SMC6: variants seen among roughly 807,000 people sequenced by gnomAD.
SMC6 encodes the protein structural maintenance of chromosomes protein 6.
A neutral mutation model predicts 142.2 loss-of-function variants in SMC6; 79 were observed. The observed-to-expected ratio is 0.56, with a 90% CI of 0.46 to 0.67. The LOEUF (loss-of-function observed/expected upper bound fraction) is 0.67. Among genes scored for constraint, SMC6 ranks in the 30% least tolerant of loss-of-function variants. The pLI is 0.00. For missense variants in SMC6, 1,072 were observed against 1,284.0 expected (o/e 0.83, Z 2.52); for synonymous variants, 411 against 412.4 (o/e 1.00, Z 0.04).
intron 23 of SMC6, among the ~76,000 whole-genome samples, chr2:17,693,859 C>T (rs186972290): frequency 1.3e-5 from 2 of 151,286 alleles, no homozygotes; most frequent in East Asian, 1.9e-4. Context: ...AGATGGGCGT[C>T]GTGGCATGTG....
At chr2:17,674,198 T>C (rs1402643848) in intron 25 of SMC6, among the ~76,000 whole-genome samples, 2 of 152,220 alleles carry the variant, frequency 1.3e-5, no homozygotes, top group Non-Finnish European at 2.9e-5. Context: ...TTTAGAGCTA[T>C]AAATTCCCTT....
Position 17,713,630 on chromosome 2 carries a change from A to G in SMC6, c.1730+1231T>C, listed in dbSNP as rs79699968. On this transcript the variant is annotated intron_variant, in intron 16 of 27. Transcript: ENST00000448223. ...AAGGACATTCCTCACAACTGATGGC[A>G]TCCTTCAGCTAGTCACTCTAACCAG... 4.3e-5 allele frequency: 18 copies of G among 421,418 alleles called. No individual in the cohort carries two copies. In the East Asian group the frequency reaches 1.2e-3, roughly 28 times the overall value. The allele number at this position is 421,418 out of a possible 1,614,324, so 26.1% of individuals were successfully genotyped here. A position where few individuals can be genotyped will look rare whatever the true frequency, so the allele number is the denominator to read the frequency against.
intron 11 of SMC6, among the ~76,000 whole-genome samples, chr2:17,719,936 A>G (rs960026535): frequency 6.6e-6 from 1 of 152,244 alleles, no homozygotes; most frequent in South Asian, 2.1e-4. Context: ...TCTATACCAC[A>G]GCCAAGCTTG....
chr2:17,734,821 T>A (rs892248105), intron 5 of SMC6, among the ~76,000 whole-genome samples: 1 of 152,098 alleles, frequency 6.6e-6, no homozygotes, highest in Admixed American at 6.6e-5. Context: ...AATCTCCGCC[T>A]CCCAGGTTCA....
chr2:17,692,151 C>A (rs1027016254), intron 23 of SMC6, among the ~76,000 whole-genome samples: 9 of 152,156 alleles, frequency 5.9e-5, no homozygotes, highest in East Asian at 1.9e-4. Context: ...TATAGATTCA[C>A]TGCCATCCCC....
At chr2:17,726,583 T>C (rs930192100) in intron 7 of SMC6, 114 bp from the exon 8 acceptor site, 2 of 704,622 alleles carry the variant, frequency 2.8e-6, no homozygotes, top group African/African-American at 3.6e-5. Flanking sequence ...GGCCAAGCAA[T>C]AGCCAAAGGT....
At chr2:17,707,105 G>A (rs755085719) in intron 18 of SMC6, 114 bp downstream of exon 18, 1 of 775,216 alleles carries the variant, frequency 1.3e-6, no homozygotes, top group Non-Finnish European at 1.9e-6. Flanking sequence ...ACCAAGCACT[G>A]AGATAGATTA....
chr2:17,717,082 C>G lies in SMC6; in HGVS notation c.1181+6G>C. 6.2e-7 allele frequency: 1 copy of G among 1,608,696 alleles called. No individual in the cohort carries two copies. Among genetic ancestry groups the G allele is most frequent in the Non-Finnish European group, 8.5e-7 (1 of 1,178,364 alleles). ...AGCCATGAAAATTTCAAAGTAACTA[C>G]CCTACCTTTTTTTCAGCTCTTCAAT... is the stretch of plus-strand genomic sequence containing the variant. On this transcript the variant is annotated splice_donor_region_variant and intron_variant, in intron 13 of 27. Coordinates refer to ENST00000448223, the MANE Select transcript of SMC6 (RefSeq NM_001142286.2).
intron 4 of SMC6, chr2:17,740,702 A>C: frequency 2.2e-6 from 1 of 444,570 alleles, no homozygotes; most frequent in South Asian, 1.6e-5. Flanking sequence ...TAAAAATACA[A>C]AAATTAGCCA....
rs1389667494 is a variant in SMC6, at chr2:17,707,376, T to C, written c.1849A>G (p.Asn617Asp). ...GIETVLLIKNNSVARAVMQSQ... is the reference protein window; with the variant it reads ...GIETVLLIKNDSVARAVMQSQ... ...TGCATTACTGCACGAGCTACAGAAT[T>C]ATTCTAAAAGAATAGAAGAAAATAA... is the stretch of plus-strand genomic sequence containing the variant. Residue 617 changes from asparagine to aspartate, a missense_variant, in exon 18 of 28, where the codon AAT becomes GAT. Physicochemically the swap from Asn to Asp is conservative, Grantham distance 23 (BLOSUM62 1). Transcript: ENST00000448223. 6.6e-7 allele frequency: 1 copy of C among 1,511,884 alleles called. No homozygotes were observed. The highest frequency in any genetic ancestry group is 8.8e-7 in the Non-Finnish European group (1 of 1,134,220). The allele number at this position is 1,511,884 out of a possible 1,614,324, so 93.7% of individuals were successfully genotyped here.
chr2:17,731,213 C>T, intron 6 of SMC6, 74 bp from the exon 7 acceptor site: 1 of 985,774 alleles, frequency 1.0e-6, no homozygotes, highest in East Asian at 2.4e-5. Context: ...TAGTTACTTA[C>T]AAAATATAAA....
chr2:17,696,166 T>C, intron 22 of SMC6, 123 bp downstream of exon 22: 1 of 1,245,394 alleles, frequency 8.0e-7, no homozygotes, highest in South Asian at 1.6e-5. Flanking sequence ...CACCTATTAC[T>C]CTATATGAAA....
Position 17,673,616 on chromosome 2 carries a change from C to T in SMC6, c.2911-3041G>A, listed in dbSNP as rs1327351852. Among the ~76,000 whole-genome samples the T allele has an allele frequency of 2.0e-5, 3 of 150,404 alleles. No individual in the cohort carries two copies. The East Asian group carries it at 5.8e-4, about 29-fold the overall frequency. ...CAGAGTTTCGCTCTTATTGCCCAGG[C>T]TGGAGTGTAATGGTGTGATCTCGGT... On this transcript the variant is annotated intron_variant, in intron 25 of 27. Coordinates refer to ENST00000448223, the MANE Select transcript of SMC6 (RefSeq NM_001142286.2).
intron 2 of SMC6, among the ~76,000 whole-genome samples, chr2:17,752,286 T>C (rs920728894): frequency 3.3e-5 from 5 of 152,234 alleles, no homozygotes; most frequent in Admixed American, 6.5e-5. Flanking sequence ...AGATTACTTA[T>C]ATAACCTAAC....
chr2:17,706,462 T>C lies in SMC6; in HGVS notation c.2006+757A>G, dbSNP rs75799122. 6.2e-3 allele frequency among the ~76,000 whole-genome samples: 948 copies of C among 152,246 alleles called. 2 individuals carry two copies. The highest frequency in any genetic ancestry group is 0.011 in the Non-Finnish European group (718 of 68,008). ...CACATAAAAATGACTAGAAGAAATC[T>C]ATTTCAACAAAACTCTCATTTCCCC... On this transcript the variant is annotated intron_variant, in intron 18 of 27. Coordinates refer to ENST00000448223, the MANE Select transcript of SMC6 (RefSeq NM_001142286.2).
At chr2:17,691,469 A>G (rs962141998) in intron 23 of SMC6, among the ~76,000 whole-genome samples, 4 of 151,198 alleles carry the variant, frequency 2.6e-5, no homozygotes, top group Admixed American at 2.6e-4. Flanking sequence ...CAAAAAACAC[A>G]TGACTCTCAA....
At chr2:17,728,412 C>A (rs185334261) in intron 7 of SMC6, among the ~76,000 whole-genome samples, 14 of 151,932 alleles carry the variant, frequency 9.2e-5, no homozygotes, top group Admixed American at 9.2e-4. Context: ...CCAGCCTGGG[C>A]GACAGAGTGA....
Position 17,716,804 on chromosome 2 carries a change from T to C in SMC6, c.1283A>G (p.Asn428Ser), listed in dbSNP as rs771763705. 2.0e-5 allele frequency: 32 copies of C among 1,613,612 alleles called. No homozygotes were observed. In the Admixed American group the frequency reaches 4.0e-4, roughly 20 times the overall value. The change falls in exon 14 of 28, where the codon AAT becomes AGT. Residue 428 changes from asparagine to serine, a missense_variant. Transcript: ENST00000448223. The stretch of plus-strand genomic sequence containing the variant: ...TTGCTGAAACTGTTCGATCTCTTGA[T>C]TGACTGAATTTTCTTGATTTTGAAA... ...KAFQNQENSV[N>S]QEIEQFQQAI...
intron 25 of SMC6, among the ~76,000 whole-genome samples, chr2:17,675,392 T>G (rs1666953975): frequency 6.6e-6 from 1 of 152,102 alleles, no homozygotes; most frequent in South Asian, 2.1e-4. Context: ...ATTGTTGATT[T>G]AGACGGCTGA....
Sources: gnomAD v4.1 joint callset for allele counts (sites outside exome capture counted in the v4.1 genomes callset) on GRCh38, gnomAD v4.1.1 for gene constraint, MANE v1.5 for transcripts, NCBI Gene and HGNC (gene_info 2026-07-23, HGNC 2026-07-21) for gene names.